Variants in CTIF observed in about 807,000 individuals in gnomAD.
CTIF encodes CBP80/20-dependent translation initiation factor.
Under a neutral mutation model 66.0 loss-of-function variants are expected in CTIF, and 21 were observed. The ratio of observed to expected loss-of-function variants is 0.32; its 90% CI spans 0.23 to 0.46. The LOEUF is 0.46. CTIF is among the 20% of genes least tolerant of loss of function. The pLI, the probability that CTIF is intolerant of heterozygous loss-of-function variation, is 1.00. For synonymous variants in CTIF, 345 were observed against 326.4 expected (o/e 1.06, Z -0.62); for missense variants, 739 against 812.7 (o/e 0.91, Z 1.10).
intron 9 of CTIF, among the ~76,000 whole-genome samples, chr18:48,779,375 C>T (rs947418952): frequency 2.6e-5 from 4 of 152,294 alleles, no homozygotes; most frequent in Non-Finnish European, 4.4e-5. Flanking sequence ...CGTCAAGTCA[C>T]GCAGCTGGTC....
At chr18:48,687,161 T>C (rs1378467286) in intron 6 of CTIF, among the ~76,000 whole-genome samples, 1 of 152,076 alleles carries the variant, frequency 6.6e-6, no homozygotes, top group African/African-American at 2.4e-5. Flanking sequence ...TAAAGCGATC[T>C]GTCTTCAGAG....
intron 1 of CTIF, among the ~76,000 whole-genome samples, chr18:48,541,850 G>A (rs928094477): frequency 6.3e-4 from 81 of 128,572 alleles, no homozygotes; most frequent in Admixed American, 2.6e-3. Context: ...CCCCTCCCCC[G>A]CCAGATATCA....
chr18:48,646,478 G>T (rs2091033374), intron 3 of CTIF, among the ~76,000 whole-genome samples: 2 of 151,998 alleles, frequency 1.3e-5, no homozygotes, highest in Admixed American at 1.3e-4. Flanking sequence ...CAAGAGCGGT[G>T]GCTCATGCCT....
intron 9 of CTIF, among the ~76,000 whole-genome samples, chr18:48,796,766 CA>C (rs1342897621): frequency 6.6e-6 from 1 of 152,236 alleles, no homozygotes; most frequent in Non-Finnish European, 1.5e-5. Context: ...GCCTCTTTTA[CA>C]TGCTCACAGC....
chr18:48,599,829 G>A (rs1031322978), intron 1 of CTIF, among the ~76,000 whole-genome samples: 6 of 152,190 alleles, frequency 3.9e-5, no homozygotes, highest in Admixed American at 3.9e-4. Context: ...CCTGTGTCTT[G>A]CGTAGATGGA....
At chr18:48,667,818 A>G (rs1009416534) in intron 5 of CTIF, among the ~76,000 whole-genome samples, 5 of 152,198 alleles carry the variant, frequency 3.3e-5, no homozygotes, top group Non-Finnish European at 7.3e-5. Flanking sequence ...TGTCACTCCC[A>G]GGTTCCCAGG....
chr18:48,737,745 C>T (rs1320350739), intron 7 of CTIF, among the ~76,000 whole-genome samples: 1 of 152,058 alleles, frequency 6.6e-6, no homozygotes, highest in East Asian at 1.9e-4. Flanking sequence ...AACATAAAAC[C>T]AGTAAAGTGG....
intron 1 of CTIF, among the ~76,000 whole-genome samples, chr18:48,608,960 T>C (rs1482363506): frequency 6.6e-6 from 1 of 152,218 alleles, no homozygotes; most frequent in African/African-American, 2.4e-5. Context: ...CAGGTGCTTG[T>C]GGACACATTG....
chr18:48,591,562 A>G (rs957127520), intron 1 of CTIF, among the ~76,000 whole-genome samples: 3 of 152,204 alleles, frequency 2.0e-5, no homozygotes, highest in Admixed American at 1.3e-4. Flanking sequence ...AAGAGAGTGC[A>G]GCTAAAGGCT....
chr18:48,711,320 C>G (rs2092221301), intron 6 of CTIF, among the ~76,000 whole-genome samples: 3 of 152,224 alleles, frequency 2.0e-5, no homozygotes, highest in Admixed American at 6.5e-5. Flanking sequence ...CCAGCTTGTT[C>G]ATCTTTCCAG....
chr18:48,600,406 G>A (rs907330237), intron 1 of CTIF, among the ~76,000 whole-genome samples: 4 of 152,090 alleles, frequency 2.6e-5, no homozygotes, highest in African/African-American at 7.2e-5. Context: ...TTAATTTTCT[G>A]TCAGTTGGAG....
intron 3 of CTIF, among the ~76,000 whole-genome samples, chr18:48,656,719 G>T (rs904358967): frequency 1.3e-5 from 2 of 152,200 alleles, no homozygotes; most frequent in African/African-American, 4.8e-5. Flanking sequence ...GAAGGATTCA[G>T]CAGTGTTTAA....
intron 2 of CTIF, chr18:48,621,471 G>T (rs757236247): frequency 6.3e-6 from 2 of 316,790 alleles, no homozygotes; most frequent in Non-Finnish European, 1.2e-5. Flanking sequence ...GTGTCGTCAG[G>T]AGGTGCGAGT....
chr18:48,723,607 A>G (rs1480054697), intron 7 of CTIF, among the ~76,000 whole-genome samples: 1 of 152,178 alleles, frequency 6.6e-6, no homozygotes, highest in Non-Finnish European at 1.5e-5. Context: ...GTGGGGAGGC[A>G]GCCCGGCCAG....
intron 9 of CTIF, among the ~76,000 whole-genome samples, chr18:48,816,265 G>A (rs914519546): frequency 8.5e-5 from 13 of 152,150 alleles, no homozygotes; most frequent in African/African-American, 2.9e-4. Flanking sequence ...CATCACTCCT[G>A]CCTCATTCTA....
intron 7 of CTIF, among the ~76,000 whole-genome samples, chr18:48,739,024 C>T (rs2092530437): frequency 6.6e-6 from 1 of 152,158 alleles, no homozygotes; most frequent in Non-Finnish European, 1.5e-5. Context: ...CCTCAGAGTC[C>T]AGATTTGAAG....
At chr18:48,841,463 G>A (rs2068940098) in intron 10 of CTIF, among the ~76,000 whole-genome samples, 1 of 152,234 alleles carries the variant, frequency 6.6e-6, no homozygotes. Flanking sequence ...CTGGACTGTG[G>A]TTTAGTCGCC....
At chr18:48,676,371 CATT>C (rs1384290734) in intron 6 of CTIF, among the ~76,000 whole-genome samples, 6 of 152,354 alleles carry the variant, frequency 3.9e-5, no homozygotes, top group African/African-American at 1.2e-4. Context: ...CCCAGACAAA[CATT>C]ATGTCTGCTG....
At chr18:48,707,392 C>T (rs1250050559) in intron 6 of CTIF, among the ~76,000 whole-genome samples, 2 of 152,202 alleles carry the variant, frequency 1.3e-5, no homozygotes, top group Non-Finnish European at 2.9e-5. Context: ...TCCTTCCTGT[C>T]ATTGGGTGCC....
Sources: gnomAD v4.1 joint callset for allele counts (sites outside exome capture counted in the v4.1 genomes callset) on GRCh38, gnomAD v4.1.1 for gene constraint, MANE v1.5 for transcripts, NCBI Gene and HGNC (gene_info 2026-07-23, HGNC 2026-07-21) for gene names.